GRK2: variants seen among roughly 807,000 people sequenced by gnomAD.
GRK2 encodes the protein G protein-coupled receptor kinase 2.
Under a neutral mutation model 97.8 loss-of-function variants are expected in GRK2, and 23 were observed. That is an observed-to-expected ratio of 0.24 (90% confidence interval 0.17 to 0.33). The LOEUF (loss-of-function observed/expected upper bound fraction) is 0.33, where lower values mean the gene tolerates loss of function less well. Ranked by LOEUF, GRK2 falls within the 10% of genes least tolerant of loss-of-function variation. The pLI, the probability that GRK2 is intolerant of heterozygous loss-of-function variation, is 1.00. For missense variants in GRK2, 633 were observed against 956.9 expected (o/e 0.66, Z 4.47); for synonymous variants, 425 against 381.7 (o/e 1.11, Z -1.32).
intron 7 of GRK2, 134 bp downstream of exon 7, chr11:67,280,917 G>A: frequency 8.2e-7 from 1 of 1,216,344 alleles, no homozygotes; most frequent in Non-Finnish European, 1.2e-6. Flanking sequence ...GTGGCTATGG[G>A]GGTCAGGGCC....
chr11:67,280,457 G>T, intron 6 of GRK2: 1 of 553,958 alleles, frequency 1.8e-6, no homozygotes, highest in East Asian at 3.1e-5. Flanking sequence ...GTCTGGGTTA[G>T]ACTGGAAGAC....
chr11:67,283,417 C>G, intron 15 of GRK2, 189 bp downstream of exon 15: 1 of 622,066 alleles, frequency 1.6e-6, no homozygotes, highest in Non-Finnish European at 2.8e-6. Flanking sequence ...CTGCTGGAAC[C>G]AGCTAGTAAC....
rs749651599 is a variant in GRK2 at position 67,281,768 on chromosome 11, C to A, written c.826+40C>A. ...GGCCCTAGGGTGGGCCGGGCCCAGGCACGGGAGGCTGGGGCAAGACACTGA... is the reference window on the plus strand; with the variant it reads ...GGCCCTAGGGTGGGCCGGGCCCAGGAACGGGAGGCTGGGGCAAGACACTGA... On this transcript the variant is annotated intron_variant, in intron 10 of 20. Transcript: ENST00000308595. The surrounding 1 kb of genome is among the most constrained non-coding windows in gnomAD (Gnocchi z 5.7). 25 of 1,613,652 alleles carry A rather than the reference C, an allele frequency of 1.5e-5. No homozygotes were observed. The highest frequency in any genetic ancestry group is 2.0e-5 in the Non-Finnish European group (24 of 1,180,000).
intron 6 of GRK2, chr11:67,280,133 TAGCTCCAG>T (rs1489810662): frequency 1.8e-6 from 1 of 565,268 alleles, no homozygotes; most frequent in Non-Finnish European, 3.2e-6. Flanking sequence ...GGCAGTCTCC[TAGCTCCAG>T]GGAGCTAGGA....
In GRK2 at chr11:67,286,471, C is replaced by A. The variant is rs1860287656; in HGVS notation, c.*1021C>A. On this transcript the variant is annotated 3_prime_UTR_variant, in exon 21 of 21. Coordinates refer to ENST00000308595, the MANE Select transcript of GRK2 (RefSeq NM_001619.5). ...ACCCTCCCCTCCCGTCTACTCATTCCCCGGGGCGTTTCTTTGCCGATTTTT... is the reference window on the plus strand; with the variant it reads ...ACCCTCCCCTCCCGTCTACTCATTCACCGGGGCGTTTCTTTGCCGATTTTT... 1.4e-6 allele frequency: 1 copy of A among 700,710 alleles called. No individual in the cohort carries two copies. The highest frequency in any genetic ancestry group is 2.6e-6 in the Non-Finnish European group (1 of 383,392). 43.4% of individuals were successfully genotyped at this position (700,710 alleles called of 1,614,324 possible). A position where few individuals can be genotyped will look rare whatever the true frequency, so the allele number is the denominator to read the frequency against.
At chr11:67,279,951 A>G (rs747199888) in intron 6 of GRK2, 51 bp downstream of exon 6, 4 of 1,572,848 alleles carry the variant, frequency 2.5e-6, no homozygotes, top group Non-Finnish European at 1.7e-6. Context: ...GGCCGCTCTC[A>G]GAAGGGGTAT....
rs1387271587 is a variant in GRK2 at position 67,284,382 on chromosome 11, C to T, written c.1654+9C>T. ...GCTGGGCCATGAGGAAGGTGAGGGT[C>T]GCCGGCTGCTGCGGCACCAGGCCCC... On this transcript the variant is annotated intron_variant, in intron 18 of 20. Transcript: ENST00000308595. 4 of 1,611,168 alleles carry T rather than the reference C, an allele frequency of 2.5e-6. No homozygotes were observed. Among genetic ancestry groups the T allele is most frequent in the Non-Finnish European group, 2.5e-6 (3 of 1,179,570 alleles).
intron 2 of GRK2, 49 bp downstream of exon 2, chr11:67,277,397 C>CT: frequency 6.5e-7 from 1 of 1,542,692 alleles, no homozygotes; most frequent in Non-Finnish European, 9.0e-7. Context: ...CTTCTTGCCC[C>CT]TACCCCAGCC....
rs1362718191 is a variant in GRK2, at chr11:67,269,871, G to A, written c.113+3059G>A. On this transcript the variant is annotated intron_variant, in intron 1 of 20. Coordinates refer to ENST00000308595, the MANE Select transcript of GRK2 (RefSeq NM_001619.5). This position sits in a 1 kb window ranked among gnomAD's most constrained non-coding sequence, Gnocchi z 4.1. ...TTCCAAAGGCTAGGGAATGGGAGTGGTTAGGCACAGTGCCACACTGAGTTG... is the reference window on the plus strand; with the variant it reads ...TTCCAAAGGCTAGGGAATGGGAGTGATTAGGCACAGTGCCACACTGAGTTG... Among the ~76,000 whole-genome samples, 1 of 152,242 alleles carries A rather than the reference G, an allele frequency of 6.6e-6. No homozygotes were observed. The highest frequency in any genetic ancestry group is 1.5e-5 in the Non-Finnish European group (1 of 68,042).
intron 1 of GRK2, among the ~76,000 whole-genome samples, chr11:67,271,303 T>C (rs1402921657): frequency 6.6e-6 from 1 of 152,238 alleles, no homozygotes; most frequent in Non-Finnish European, 1.5e-5. Context: ...TGCAGCTTTT[T>C]TCTAAAACAG....
chr11:67,274,582 C>T, intron 1 of GRK2, among the ~76,000 whole-genome samples: 1 of 141,120 alleles, frequency 7.1e-6, no homozygotes, highest in Non-Finnish European at 1.5e-5. Context: ...AGGTGAGATG[C>T]AGGCCCCTGA....
At position 67,285,354 on chromosome 11, in the gene GRK2, G is replaced by C. The variant is rs1323439618; in HGVS notation, c.1974G>C (p.Val658=). Residue 658 remains valine, a synonymous_variant, in exon 21 of 21, where the codon GTG becomes GTC. Coordinates refer to ENST00000308595, the MANE Select transcript of GRK2 (RefSeq NM_001619.5). ...CCTACCGCGAGGCCCAGCAGCTGGT[G>C]CAGCGGGTGCCCAAGATGAAGAACA... is the stretch of plus-strand genomic sequence containing the variant. The part of the protein sequence containing the change: ...RDAYREAQQL[V]QRVPKMKNKP... The C allele has an allele frequency of 6.2e-7, 1 of 1,610,186 alleles. No individual in the cohort carries two copies. Among genetic ancestry groups the C allele is most frequent in the South Asian group, 1.1e-5 (1 of 90,980 alleles).
intron 1 of GRK2, 106 bp from the exon 2 acceptor site, chr11:67,277,166 T>C: frequency 9.3e-7 from 1 of 1,073,800 alleles, no homozygotes; most frequent in South Asian, 1.3e-5. Context: ...GCCTCCTTCC[T>C]GGAGGGAGTG....
rs1860265532 is a variant in GRK2, at chr11:67,285,735, A to C, written c.*285A>C. ...CCCCTTCCCCGAGGGATGATGCCAC[A>C]CCAAGCTGTGCCACCCTGGGCTCTG... is the stretch of plus-strand genomic sequence containing the variant. On this transcript the variant is annotated 3_prime_UTR_variant, in exon 21 of 21. Coordinates refer to ENST00000308595, the MANE Select transcript of GRK2 (RefSeq NM_001619.5). The C allele has an allele frequency of 4.4e-6, 2 of 457,380 alleles. No individual in the cohort carries two copies. Among genetic ancestry groups the C allele is most frequent in the Non-Finnish European group, 3.9e-6 (1 of 257,120 alleles). The allele number at this position is 457,380 out of a possible 1,614,324, so 28.3% of individuals were successfully genotyped here. A position where few individuals can be genotyped will look rare whatever the true frequency, so the allele number is the denominator to read the frequency against.
Position 67,282,713 on chromosome 11 carries a change from C to T in GRK2, c.1161-39C>T. On this transcript the variant is annotated intron_variant, in intron 13 of 20. Coordinates refer to ENST00000308595, the MANE Select transcript of GRK2 (RefSeq NM_001619.5). The surrounding 1 kb of genome is among the most constrained non-coding windows in gnomAD (Gnocchi z 6.9). Reference sequence around the variant, plus strand: ...TGCTGCCTGCCTCCCTTTCCCCATTCCTGTCCTTTGACATTGGTTTTTGGC... The same window carrying T: ...TGCTGCCTGCCTCCCTTTCCCCATTTCTGTCCTTTGACATTGGTTTTTGGC... 1.9e-6 allele frequency: 3 copies of T among 1,607,390 alleles called. No individual in the cohort carries two copies. Among genetic ancestry groups the T allele is most frequent in the South Asian group, 2.2e-5 (2 of 90,472 alleles).
At chr11:67,267,743 G>A (rs1450720701) in intron 1 of GRK2, among the ~76,000 whole-genome samples, 4 of 152,250 alleles carry the variant, frequency 2.6e-5, no homozygotes, top group Non-Finnish European at 5.9e-5. Context: ...TTTTATGGCT[G>A]ATAGAGTATC....
intron 15 of GRK2, 159 bp downstream of exon 15, chr11:67,283,387 G>T: frequency 1.5e-6 from 1 of 678,604 alleles, no homozygotes; most frequent in Non-Finnish European, 2.5e-6. Flanking sequence ...AGAGTGGAGG[G>T]GCTGCCCTGG....
chr11:67,266,595 G>T lies in GRK2; in HGVS notation c.-105G>T. On this transcript the variant is annotated 5_prime_UTR_variant, in exon 1 of 21. Coordinates refer to ENST00000308595, the MANE Select transcript of GRK2 (RefSeq NM_001619.5). ...CGAGCAGGGCCAGGCGGGAGGCGTCGGCGCCCGAGGCCGAGCGAGCCGCGG... is the reference window on the plus strand; with the variant it reads ...CGAGCAGGGCCAGGCGGGAGGCGTCTGCGCCCGAGGCCGAGCGAGCCGCGG... 3.4e-6 allele frequency: 1 copy of T among 293,472 alleles called. No individual in the cohort carries two copies. Among genetic ancestry groups the T allele is most frequent in the South Asian group, 1.2e-4 (1 of 8,378 alleles). The allele number at this position is 293,472 out of a possible 1,614,324, so 18.2% of individuals were successfully genotyped here. A position where few individuals can be genotyped will look rare whatever the true frequency, so the allele number is the denominator to read the frequency against.
chr11:67,273,792 G>C (rs1859962339), intron 1 of GRK2, among the ~76,000 whole-genome samples: 1 of 152,130 alleles, frequency 6.6e-6, no homozygotes, highest in East Asian at 1.9e-4. Flanking sequence ...GGGAGAGATG[G>C]CCTCAGAGCC....
Sources: allele counts gnomAD v4.1 joint callset (sites outside exome capture counted in the v4.1 genomes callset), GRCh38; gene constraint gnomAD v4.1.1; non-coding constraint Gnocchi (gnomAD v3.1); transcripts MANE v1.5; gene names NCBI Gene and HGNC (gene_info 2026-07-23, HGNC 2026-07-21).